PRKD1: variants seen among roughly 807,000 people sequenced by gnomAD.
PRKD1 encodes the protein protein kinase D1, also known as serine/threonine-protein kinase D1.
In PRKD1, 63 loss-of-function variants were observed where a neutral mutation model predicts 95.9. The ratio of observed to expected loss-of-function variants is 0.66; its 90% CI spans 0.54 to 0.81. The LOEUF is 0.81. Among genes scored for constraint, PRKD1 ranks in the 30% least tolerant of loss-of-function variants. The pLI, the probability that PRKD1 is intolerant of heterozygous loss-of-function variation, is 0.00. For missense variants in PRKD1, 1,048 were observed against 1,165.3 expected (o/e 0.90, Z 1.47); for synonymous variants, 425 against 423.1 (o/e 1.00, Z -0.05).
rs560582523 is a variant in PRKD1 at position 29,735,710 on chromosome 14, CTCTT to C, written c.265-10040_265-10037del. On this transcript the variant is annotated intron_variant, in intron 1 of 17. Transcript: ENST00000331968. ...GTGCCGTCTGATGTCATTCACATGC[CTCTT>C]TCTTCAAGAACCCCTCTATATTTCA... Among the ~76,000 whole-genome samples, 6 of 152,296 alleles carry C rather than the reference CTCTT, an allele frequency of 3.9e-5. No homozygotes were observed. The South Asian group carries it at 1.2e-3, about 32-fold the overall frequency.
At chr14:29,828,037 CCTCT>C (rs1891266137) in intron 1 of PRKD1, among the ~76,000 whole-genome samples, 1 of 152,084 alleles carries the variant, frequency 6.6e-6, no homozygotes, top group Admixed American at 6.6e-5. Context: ...CATTTATTCT[CCTCT>C]CTATGTCTTC....
At chr14:29,647,249 A>C (rs1881185035) in intron 4 of PRKD1, among the ~76,000 whole-genome samples, 1 of 152,194 alleles carries the variant, frequency 6.6e-6, no homozygotes, top group Admixed American at 6.5e-5. Context: ...GTGCTAAAGT[A>C]ATCGTGGAAG....
intron 2 of PRKD1, among the ~76,000 whole-genome samples, chr14:29,667,073 C>CT (rs1475431698): frequency 6.6e-6 from 1 of 152,044 alleles, no homozygotes; most frequent in Non-Finnish European, 1.5e-5. Context: ...GAAAGATGAG[C>CT]TTTTTTCTTA....
chr14:29,662,065 T>A (rs1882220586), intron 4 of PRKD1, among the ~76,000 whole-genome samples: 1 of 152,168 alleles, frequency 6.6e-6, no homozygotes, highest in Non-Finnish European at 1.5e-5. Flanking sequence ...ATTGCTTTTA[T>A]TGCTTTTAAG....
At position 29,725,626 on chromosome 14, in the gene PRKD1, G is replaced by A. The variant is rs1434470951; in HGVS notation, c.313C>T (p.Arg105Cys). ...ATGTTTTCAGAGGTAGGGTCATGGC[G>A]AAAAAGCAGGATCTTATCATACATT... ...YGMYDKILLFRHDPTSENILQ... is the reference protein window; with the variant it reads ...YGMYDKILLFCHDPTSENILQ... The change falls in exon 2 of 18, where the codon CGC becomes TGC. Residue 105 changes from arginine to cysteine, a missense_variant. Coordinates refer to ENST00000331968, the MANE Select transcript of PRKD1 (RefSeq NM_002742.3). 4.3e-6 allele frequency: 7 copies of A among 1,613,302 alleles called. No individual in the cohort carries two copies. Among genetic ancestry groups the A allele is most frequent in the Admixed American group, 1.7e-5 (1 of 59,920 alleles).
intron 1 of PRKD1, among the ~76,000 whole-genome samples, chr14:29,849,762 C>A (rs1594575621): frequency 6.6e-6 from 1 of 151,820 alleles, no homozygotes; most frequent in East Asian, 1.9e-4. Context: ...AAAAAAACTG[C>A]AGTTCGATAT....
rs138318773 is a variant in PRKD1 at position 29,914,988 on chromosome 14, T to C, written c.264+12261A>G. ...ATCTGCCCACCTCAGTCTCCCAAAGTGCTGGGATTACAGCATGAGCCACCA... is the reference window on the plus strand; with the variant it reads ...ATCTGCCCACCTCAGTCTCCCAAAGCGCTGGGATTACAGCATGAGCCACCA... On this transcript the variant is annotated intron_variant, in intron 1 of 17. Coordinates refer to ENST00000331968, the MANE Select transcript of PRKD1 (RefSeq NM_002742.3). Among the ~76,000 whole-genome samples the C allele has an allele frequency of 9.6e-3, 1,463 of 152,154 alleles. 8 individuals are homozygous for C. The highest frequency in any genetic ancestry group is 0.016 in the Non-Finnish European group (1,071 of 67,982).
intron 4 of PRKD1, among the ~76,000 whole-genome samples, chr14:29,653,256 T>C (rs1881623201): frequency 6.6e-6 from 1 of 152,188 alleles, no homozygotes; most frequent in Admixed American, 6.5e-5. Flanking sequence ...AGAAAGCTTT[T>C]AGAATGAGCG....
intron 1 of PRKD1, among the ~76,000 whole-genome samples, chr14:29,778,326 C>CA (rs780478233): frequency 4.6e-5 from 7 of 151,892 alleles, no homozygotes; most frequent in East Asian, 1.9e-4. Flanking sequence ...AAAAACCCTT[C>CA]AAAAAATCAA....
intron 10 of PRKD1, 51 bp downstream of exon 10, chr14:29,630,691 G>A (rs772723124): frequency 8.1e-6 from 13 of 1,608,344 alleles, no homozygotes; most frequent in Non-Finnish European, 8.5e-6. Flanking sequence ...TACTAAGCAA[G>A]GGGTAGGCAC....
At chr14:29,763,125 T>TAAAAAAA (rs36087571) in intron 1 of PRKD1, among the ~76,000 whole-genome samples, 5 of 64,722 alleles carry the variant, frequency 7.7e-5, no homozygotes, top group African/African-American at 2.6e-4. Flanking sequence ...TCTCTAAAAT[T>TAAAAAAA]AAAAAAAAAA....
chr14:29,880,183 T>C (rs1054382850), intron 1 of PRKD1, among the ~76,000 whole-genome samples: 4 of 152,172 alleles, frequency 2.6e-5, no homozygotes, highest in African/African-American at 9.7e-5. Flanking sequence ...CTCCCATCAC[T>C]GGCCCAGGGG....
chr14:29,599,239 T>C (rs1893423228), intron 14 of PRKD1, 114 bp from the exon 15 acceptor site: 1 of 835,108 alleles, frequency 1.2e-6, no homozygotes, highest in Non-Finnish European at 1.9e-6. Flanking sequence ...TTCTTTATGT[T>C]AAAGACACTG....
At chr14:29,846,293 A>C (rs1358577915) in intron 1 of PRKD1, among the ~76,000 whole-genome samples, 1 of 152,230 alleles carries the variant, frequency 6.6e-6, no homozygotes, top group Non-Finnish European at 1.5e-5. Flanking sequence ...AGTGCTCCAA[A>C]AAAACTGATA....
At chr14:29,721,219 A>G (rs1187458005) in intron 2 of PRKD1, among the ~76,000 whole-genome samples, 1 of 152,232 alleles carries the variant, frequency 6.6e-6, no homozygotes. Context: ...AGTGAGGACC[A>G]AAAACTAACT....
In PRKD1 at chr14:29,896,365, T is replaced by TACACAC. The variant is rs71443337; in HGVS notation, c.264+30878_264+30883dup. On this transcript the variant is annotated intron_variant, in intron 1 of 17. Coordinates refer to ENST00000331968, the MANE Select transcript of PRKD1 (RefSeq NM_002742.3). ...TAAGGTTTCTACAGGCATGTGTGTG[T>TACACAC]ACACACACACACACACACACACCCA... 8.9e-3 allele frequency among the ~76,000 whole-genome samples: 1,323 copies of TACACAC among 148,000 alleles called. 6 individuals carry two copies. Among genetic ancestry groups the TACACAC allele is most frequent in the Non-Finnish European group, 0.012 (794 of 67,314 alleles).
At chr14:29,813,961 T>C (rs1023410563) in intron 1 of PRKD1, among the ~76,000 whole-genome samples, 2 of 152,198 alleles carry the variant, frequency 1.3e-5, no homozygotes. Context: ...GGGCTGTTCA[T>C]TAGCAAAATG....
intron 4 of PRKD1, among the ~76,000 whole-genome samples, chr14:29,658,601 T>A (rs1045050550): frequency 6.6e-6 from 1 of 152,222 alleles, no homozygotes; most frequent in Non-Finnish European, 1.5e-5. Flanking sequence ...GAAATGTCTA[T>A]AAATCACCAA....
At chr14:29,733,974 C>T (rs1022878668) in intron 1 of PRKD1, among the ~76,000 whole-genome samples, 1 of 145,510 alleles carries the variant, frequency 6.9e-6, no homozygotes, top group African/African-American at 2.6e-5. Flanking sequence ...TTTACCATTT[C>T]TGGTCTGTTT....
Sources: gnomAD v4.1 joint callset for allele counts (sites outside exome capture counted in the v4.1 genomes callset) on GRCh38, gnomAD v4.1.1 for gene constraint, MANE v1.5 for transcripts, NCBI Gene and HGNC (gene_info 2026-07-23, HGNC 2026-07-21) for gene names.